Variants in UBR3 observed in about 807,000 individuals in gnomAD.
UBR3 encodes E3 ubiquitin-protein ligase UBR3.
UBR3 carries 85 observed loss-of-function variants against 243.2 expected under a neutral mutation model. The observed-to-expected ratio is 0.35, with a 90% CI of 0.29 to 0.42. The LOEUF (loss-of-function observed/expected upper bound fraction) is 0.42, where lower values mean the gene tolerates loss of function less well. Ranked by LOEUF, UBR3 falls within the 10% of genes least tolerant of loss-of-function variation. The probability of loss-of-function intolerance (pLI) is 1.00; values close to 1 mark genes in which losing one functional copy is unlikely to be tolerated. For synonymous variants in UBR3, 748 were observed against 799.8 expected (o/e 0.94, Z 1.09); for missense variants, 1,686 against 2,300.8 (o/e 0.73, Z 5.47).
intron 30 of UBR3, among the ~76,000 whole-genome samples, chr2:170,027,376 C>T (rs1175884965): frequency 6.6e-6 from 1 of 151,368 alleles, no homozygotes; most frequent in East Asian, 1.9e-4. Flanking sequence ...CTTCCTTTCT[C>T]TGGACATATT....
intron 19 of UBR3, among the ~76,000 whole-genome samples, chr2:169,935,074 C>T (rs1212577594): frequency 6.6e-6 from 1 of 152,164 alleles, no homozygotes; most frequent in East Asian, 1.9e-4. Context: ...CAAAGCAAAC[C>T]AGCAGTTGGA....
intron 30 of UBR3, among the ~76,000 whole-genome samples, chr2:170,027,644 G>T (rs188398408): frequency 2.0e-4 from 30 of 151,826 alleles, no homozygotes; most frequent in African/African-American, 7.0e-4. Flanking sequence ...TATATAAAAA[G>T]AATGCAGAAC....
chr2:169,951,605 TA>T (rs2087034241), intron 23 of UBR3, among the ~76,000 whole-genome samples: 1 of 152,140 alleles, frequency 6.6e-6, no homozygotes, highest in Non-Finnish European at 1.5e-5. Context: ...CATGTATCGT[TA>T]ACTCGCACAG....
intron 31 of UBR3, among the ~76,000 whole-genome samples, chr2:170,032,271 AAAAC>A (rs1242855589): frequency 6.6e-6 from 1 of 152,096 alleles, no homozygotes; most frequent in Non-Finnish European, 1.5e-5. Flanking sequence ...GTTAAAAACA[AAAAC>A]AAAAACAGTC....
intron 1 of UBR3, among the ~76,000 whole-genome samples, chr2:169,845,513 G>A (rs868825363): frequency 6.4e-5 from 9 of 141,366 alleles, no homozygotes; most frequent in African/African-American, 2.5e-4. Flanking sequence ...CGTCGTCGTC[G>A]TCGTCGTCGT....
intron 1 of UBR3, among the ~76,000 whole-genome samples, chr2:169,844,651 G>T (rs1480767167): frequency 6.6e-6 from 1 of 151,782 alleles, no homozygotes; most frequent in Non-Finnish European, 1.5e-5. Context: ...GCACCACTGC[G>T]CCTAGCTAAT....
In UBR3 at chr2:169,925,772, A is replaced by G. The variant is rs1406044712; in HGVS notation, c.2151+25A>G. ...GGTAAGCCAGCTAGATAATGCAGATATACTTTAGAAGTGTCTCATTTGTAC... is the reference window on the plus strand; with the variant it reads ...GGTAAGCCAGCTAGATAATGCAGATGTACTTTAGAAGTGTCTCATTTGTAC... On this transcript the variant is annotated intron_variant, in intron 14 of 38. Transcript: ENST00000272793. 4.6e-6 allele frequency: 7 copies of G among 1,534,146 alleles called. No individual in the cohort carries two copies. The South Asian group carries it at 6.2e-5, about 14-fold the overall frequency.
intron 1 of UBR3, among the ~76,000 whole-genome samples, chr2:169,853,743 C>T (rs908447882): frequency 2.0e-5 from 3 of 151,698 alleles, no homozygotes; most frequent in Non-Finnish European, 4.4e-5. Flanking sequence ...AGCCATCGCC[C>T]CTGGCCCATT....
At chr2:169,847,842 C>T (rs777311757) in intron 1 of UBR3, among the ~76,000 whole-genome samples, 5 of 152,180 alleles carry the variant, frequency 3.3e-5, no homozygotes, top group Admixed American at 1.3e-4. Context: ...ATGTTTTTAT[C>T]CCTGGCCTTT....
At chr2:170,006,749 G>A (rs2089926160) in intron 27 of UBR3, among the ~76,000 whole-genome samples, 1 of 152,194 alleles carries the variant, frequency 6.6e-6, no homozygotes, top group South Asian at 2.1e-4. Flanking sequence ...TTCATATTGA[G>A]AGAAGAGTAA....
At chr2:169,961,642 C>T (rs1290966795) in intron 24 of UBR3, among the ~76,000 whole-genome samples, 3 of 152,120 alleles carry the variant, frequency 2.0e-5, no homozygotes, top group Non-Finnish European at 4.4e-5. Flanking sequence ...AGGCATTGCC[C>T]TTTTGTCTTT....
At position 170,055,442 on chromosome 2, in the gene UBR3, A is replaced by AT. The variant is rs748933789; in HGVS notation, c.4661-10dup. 46 of 1,603,996 alleles carry AT rather than the reference A, an allele frequency of 2.9e-5. No individual in the cohort carries two copies. Among genetic ancestry groups the AT allele is most frequent in the East Asian group, 2.2e-4 (10 of 44,646 alleles). On this transcript the variant is annotated splice_polypyrimidine_tract_variant and intron_variant, in intron 32 of 38. Coordinates refer to ENST00000272793, the MANE Select transcript of UBR3 (RefSeq NM_172070.4). ...ATATCTAGATTCCAAAGAAATAATG[A>AT]TTTTTTTTCTCTTGCAGACCACTTT...
At chr2:169,918,115 T>G (rs1198707832) in intron 11 of UBR3, among the ~76,000 whole-genome samples, 1 of 152,128 alleles carries the variant, frequency 6.6e-6, no homozygotes, top group Non-Finnish European at 1.5e-5. Flanking sequence ...TGTAGCAAGT[T>G]ATGGTACTTC....
intron 35 of UBR3, among the ~76,000 whole-genome samples, chr2:170,072,435 G>C (rs13419620): frequency 6.6e-6 from 1 of 151,154 alleles, no homozygotes; most frequent in African/African-American, 2.4e-5. Context: ...GGTAGCGGGA[G>C]GGGGGAGGGA....
intron 23 of UBR3, among the ~76,000 whole-genome samples, chr2:169,951,178 A>G (rs949289255): frequency 1.3e-5 from 2 of 152,204 alleles, no homozygotes; most frequent in Non-Finnish European, 1.5e-5. Flanking sequence ...TCTGTTTTAT[A>G]TAGGTAAAAA....
intron 8 of UBR3, among the ~76,000 whole-genome samples, chr2:169,897,561 C>T (rs6708552): frequency 0.25 from 37,488 of 151,900 alleles, 4,773 homozygotes; most frequent in East Asian, 0.42. Context: ...TGCAGTGGTA[C>T]GATCTTGGCT....
intron 19 of UBR3, among the ~76,000 whole-genome samples, chr2:169,937,939 G>A (rs1036248684): frequency 7.9e-5 from 12 of 152,238 alleles, no homozygotes; most frequent in East Asian, 7.7e-4. Flanking sequence ...TTCTGTAAAC[G>A]GATTGAGAGA....
intron 32 of UBR3, among the ~76,000 whole-genome samples, chr2:170,045,406 GT>G (rs2091059438): frequency 6.6e-6 from 1 of 152,088 alleles, no homozygotes; most frequent in African/African-American, 2.4e-5. Context: ...GGGAGGGTCA[GT>G]TACCCAGGTT....
intron 1 of UBR3, among the ~76,000 whole-genome samples, chr2:169,836,193 C>T (rs1254876442): frequency 1.4e-5 from 2 of 144,800 alleles, no homozygotes; most frequent in Non-Finnish European, 3.0e-5. Flanking sequence ...AAGCAATTCT[C>T]CTGCCTCAGC....
Sources: gnomAD v4.1 joint callset for allele counts (sites outside exome capture counted in the v4.1 genomes callset) on GRCh38, gnomAD v4.1.1 for gene constraint, MANE v1.5 for transcripts, NCBI Gene and HGNC (gene_info 2026-07-23, HGNC 2026-07-21) for gene names.